Variants in AMZ2 observed in about 807,000 individuals in gnomAD.
The protein encoded by AMZ2 is archaelysin family metallopeptidase 2.
AMZ2 carries 26 observed loss-of-function variants against 36.7 expected under a neutral mutation model. The observed-to-expected ratio is 0.71, with a 90% CI of 0.52 to 0.98. The LOEUF is 0.98. AMZ2 is among the 50% of genes least tolerant of loss of function. The pLI is 0.00. For synonymous variants in AMZ2, 144 were observed against 149.1 expected (o/e 0.97, Z 0.25); for missense variants, 394 against 430.5 (o/e 0.92, Z 0.75).
At chr17:68,229,613 G>T (rs1487066927) in intron 1 of AMZ2, among the ~76,000 whole-genome samples, 6 of 152,230 alleles carry the variant, frequency 3.9e-5, no homozygotes, top group Non-Finnish European at 5.9e-5. Context: ...TGTGGGTCTG[G>T]AATTTAAACA....
chr17:68,206,890 T>C (rs1251366146), intron 1 of AMZ2: 1 of 153,468 alleles, frequency 6.5e-6, no homozygotes, highest in Non-Finnish European at 1.4e-5. Flanking sequence ...CAACAGTTGC[T>C]GGTAAATGGC....
intron 1 of AMZ2, among the ~76,000 whole-genome samples, chr17:68,218,525 A>G (rs563565571): frequency 1.3e-5 from 2 of 152,078 alleles, no homozygotes; most frequent in Non-Finnish European, 2.9e-5. Flanking sequence ...TATTCTTTTC[A>G]TTTTCCAAAT....
chr17:68,252,758 A>G (rs782013375), intron 4 of AMZ2, among the ~76,000 whole-genome samples: 2 of 152,116 alleles, frequency 1.3e-5, no homozygotes, highest in Admixed American at 6.5e-5. Flanking sequence ...TCCTGGGCTC[A>G]AGCGAGCCTC....
chr17:68,216,307 T>A (rs782752159), intron 1 of AMZ2, among the ~76,000 whole-genome samples: 2 of 152,082 alleles, frequency 1.3e-5, no homozygotes, highest in Non-Finnish European at 2.9e-5. Flanking sequence ...CTGATTTTTT[T>A]ATTTTTTATT....
chr17:68,247,356 A>AGC (rs2074069255), upstream of AMZ2: 2 of 144,240 alleles, frequency 1.4e-5, no homozygotes, highest in African/African-American at 5.2e-5. Context: ...AAAAAAAAAA[A>AGC]AAAAGCAAGA....
intron 1 of AMZ2, among the ~76,000 whole-genome samples, chr17:68,208,682 C>T (rs2072920768): frequency 6.6e-6 from 1 of 152,196 alleles, no homozygotes. Flanking sequence ...TGCTGCTGCT[C>T]ACTCTTTGGG....
chr17:68,250,669 A>G (rs2074386703), intron 2 of AMZ2, 125 bp from the exon 3 acceptor site: 1 of 1,174,996 alleles, frequency 8.5e-7, no homozygotes, highest in Non-Finnish European at 1.2e-6. Context: ...ACACCAATGA[A>G]TGATAAAGGT....
chr17:68,238,952 A>G (rs1268357215), intron 1 of AMZ2, among the ~76,000 whole-genome samples: 4 of 152,192 alleles, frequency 2.6e-5, no homozygotes, highest in African/African-American at 9.7e-5. Flanking sequence ...ATCGAGCCTC[A>G]GTTTGCAGGC....
chr17:68,244,605 G>C (rs1555734786), upstream of AMZ2, among the ~76,000 whole-genome samples: 1 of 152,092 alleles, frequency 6.6e-6, no homozygotes, highest in African/African-American at 2.4e-5. Context: ...ACTCTCAAAT[G>C]GTTCAGGAAA....
intron 1 of AMZ2, among the ~76,000 whole-genome samples, chr17:68,226,433 C>G (rs1212399171): frequency 4.6e-5 from 7 of 152,196 alleles, no homozygotes; most frequent in East Asian, 3.8e-4. Context: ...TCCTGCCCCC[C>G]AGCCCCTGCG....
intron 1 of AMZ2, 21 bp from the exon 2 acceptor site, chr17:68,250,167 T>G: frequency 6.2e-7 from 1 of 1,602,294 alleles, no homozygotes; most frequent in Non-Finnish European, 8.5e-7. Flanking sequence ...TTATATTTGA[T>G]TACTTGCTTT....
At chr17:68,236,884 C>A (rs2073802868) in intron 1 of AMZ2, among the ~76,000 whole-genome samples, 1 of 152,162 alleles carries the variant, frequency 6.6e-6, no homozygotes, top group Non-Finnish European at 1.5e-5. Context: ...CCGGCCCAAA[C>A]ATCCTTTTTT....
chr17:68,243,884 T>A (rs535244976), upstream of AMZ2, among the ~76,000 whole-genome samples: 1 of 152,226 alleles, frequency 6.6e-6, no homozygotes, highest in South Asian at 2.1e-4. Flanking sequence ...AATACTACAG[T>A]GAAGGGCAGA....
At chr17:68,224,755 G>A (rs2073468427) in intron 1 of AMZ2, among the ~76,000 whole-genome samples, 1 of 152,054 alleles carries the variant, frequency 6.6e-6, no homozygotes, top group South Asian at 2.1e-4. Flanking sequence ...TGCCCGGGCT[G>A]AGGGGCAGCT....
chr17:68,213,101 A>G (rs2073107882), intron 1 of AMZ2, among the ~76,000 whole-genome samples: 1 of 152,248 alleles, frequency 6.6e-6, no homozygotes, highest in African/African-American at 2.4e-5. Context: ...TCATTGATTT[A>G]ACCAGTAAAA....
chr17:68,213,039 A>G (rs1170548772), intron 1 of AMZ2, among the ~76,000 whole-genome samples: 2 of 152,220 alleles, frequency 1.3e-5, no homozygotes, highest in East Asian at 3.8e-4. Context: ...ATTTTTTATC[A>G]TTGTTAAAAA....
At chr17:68,247,609 C>CG, upstream of AMZ2, 1 of 984,264 alleles carries the variant, frequency 1.0e-6, no homozygotes, top group Non-Finnish European at 1.2e-6. Flanking sequence ...GTGACGGCCC[C>CG]GGGGAGCGCT....
At chr17:68,246,237 G>A (rs3760273), upstream of AMZ2, among the ~76,000 whole-genome samples, 23,473 of 148,922 alleles carry the variant, frequency 0.16, 1,971 homozygotes, top group East Asian at 0.18. Context: ...GCGTGGTGGT[G>A]TGTGCCTGTA....
At chr17:68,255,564 G>A (rs1398698716) in intron 5 of AMZ2, 136 bp from the exon 6 acceptor site, 1 of 864,128 alleles carries the variant, frequency 1.2e-6, no homozygotes, top group African/African-American at 1.7e-5. Context: ...GTCTTTGAAG[G>A]TCTGGACAGG....
Sources: allele counts gnomAD v4.1 joint callset (sites outside exome capture counted in the v4.1 genomes callset), GRCh38; gene constraint gnomAD v4.1.1; transcripts MANE v1.5; gene names NCBI Gene and HGNC (gene_info 2026-07-23, HGNC 2026-07-21).